Variants in PTPRG observed in about 807,000 individuals in gnomAD.
PTPRG encodes the protein receptor-type tyrosine-protein phosphatase gamma.
PTPRG carries 102 observed loss-of-function variants against 165.3 expected under a neutral mutation model. The ratio of observed to expected loss-of-function variants is 0.62; its 90% CI spans 0.53 to 0.73. PTPRG has a LOEUF of 0.73. Among genes scored for constraint, PTPRG ranks in the 30% least tolerant of loss-of-function variants. PTPRG has a pLI of 0.00. For missense variants in PTPRG, 1,866 were observed against 1,861.4 expected, an observed-to-expected ratio of 1.00 and a Z score of -0.05; for synonymous variants, 675 against 669.5, an observed-to-expected ratio of 1.01 and a Z score of -0.13.
Position 61,562,148 on chromosome 3 carries a change from T to A in PTPRG, c.-140T>A. 2 of 575,232 alleles carry A rather than the reference T, an allele frequency of 3.5e-6. No individual in the cohort carries two copies. The highest frequency in any genetic ancestry group is 3.1e-6 in the Non-Finnish European group (1 of 324,726). The allele number at this position is 575,232 out of a possible 1,614,324, so 35.6% of individuals were successfully genotyped here. A position where few individuals can be genotyped will look rare whatever the true frequency, so the allele number is the denominator to read the frequency against. ...GCGGCTTCCCGGATTCCAAGGGGAC[T>A]CGGGCCGCCGAGCGCGGGGGGCCCG... On this transcript the variant is annotated 5_prime_UTR_variant, in exon 1 of 30. Coordinates refer to ENST00000474889, the MANE Select transcript of PTPRG (RefSeq NM_002841.4).
chr3:61,999,572 A>G (rs917082449), intron 3 of PTPRG, among the ~76,000 whole-genome samples: 6 of 151,924 alleles, frequency 3.9e-5, no homozygotes, highest in African/African-American at 1.5e-4. Context: ...TCCAGATTCA[A>G]CTTTTCCTGC....
chr3:61,925,923 C>A, intron 2 of PTPRG: 1 of 492,434 alleles, frequency 2.0e-6, no homozygotes. Context: ...GCAGTGTTTC[C>A]ATAGGAACTC....
intron 1 of PTPRG, among the ~76,000 whole-genome samples, chr3:61,723,651 G>T (rs545281261): frequency 6.6e-6 from 1 of 152,046 alleles, no homozygotes; most frequent in Non-Finnish European, 1.5e-5. Flanking sequence ...AGTACAGAGC[G>T]GTCCCATATA....
intron 1 of PTPRG, among the ~76,000 whole-genome samples, chr3:61,644,705 T>G (rs1383962562): frequency 6.6e-6 from 1 of 152,236 alleles, no homozygotes; most frequent in Admixed American, 6.5e-5. Flanking sequence ...AGGAATGTGA[T>G]CCATGGTTTC....
intron 2 of PTPRG, among the ~76,000 whole-genome samples, chr3:61,899,146 T>G (rs941050369): frequency 3.3e-5 from 5 of 152,126 alleles, no homozygotes; most frequent in African/African-American, 1.2e-4. Context: ...TTTTTTAAAT[T>G]TGTGAAATGG....
chr3:61,870,797 G>A (rs1012853765), intron 2 of PTPRG, among the ~76,000 whole-genome samples: 3 of 151,938 alleles, frequency 2.0e-5, no homozygotes, highest in African/African-American at 7.3e-5. Context: ...ATAAAATAGA[G>A]GCATTCATAG....
intron 10 of PTPRG, among the ~76,000 whole-genome samples, chr3:62,198,749 A>G (rs980097022): frequency 4.6e-5 from 7 of 152,256 alleles, no homozygotes; most frequent in African/African-American, 1.4e-4. Flanking sequence ...ACGAACATCA[A>G]TGATATTCCA....
intron 6 of PTPRG, among the ~76,000 whole-genome samples, chr3:62,146,627 C>CT (rs199720048): frequency 8.1e-6 from 1 of 123,764 alleles, no homozygotes; most frequent in Non-Finnish European, 1.6e-5. Flanking sequence ...TTGCCTGTTG[C>CT]TTTTAAAAAA....
intron 2 of PTPRG, among the ~76,000 whole-genome samples, chr3:61,852,013 T>C (rs895858860): frequency 2.0e-5 from 3 of 152,200 alleles, no homozygotes; most frequent in African/African-American, 7.2e-5. Context: ...GGTAATCTCT[T>C]ATGCAGCAAT....
At position 62,203,889 on chromosome 3, in the gene PTPRG, A is replaced by G. The variant is rs773369390; in HGVS notation, c.2094A>G (p.Lys698=). The G allele has an allele frequency of 2.5e-6, 4 of 1,613,004 alleles. No individual in the cohort carries two copies. Among genetic ancestry groups the G allele is most frequent in the Non-Finnish European group, 3.4e-6 (4 of 1,179,550 alleles). ...SDPKRPEMPS[K]KPMSRGDRFS... The stretch of plus-strand genomic sequence containing the variant: ...CCAAGAGGCCCGAAATGCCATCTAA[A>G]AAGCCTATGTCCCGCGGGGACCGAT... The change falls in exon 12 of 30, where the codon AAA becomes AAG. Residue 698 remains lysine, a synonymous_variant. Coordinates refer to ENST00000474889, the MANE Select transcript of PTPRG (RefSeq NM_002841.4). This position sits in a 1 kb window ranked among gnomAD's most constrained non-coding sequence, Gnocchi z 6.4.
intron 3 of PTPRG, among the ~76,000 whole-genome samples, chr3:61,991,804 A>G (rs940352722): frequency 6.6e-6 from 1 of 152,204 alleles, no homozygotes; most frequent in African/African-American, 2.4e-5. Flanking sequence ...GCAACGCTTG[A>G]CAGCCTTCGG....
chr3:61,903,336 C>T (rs569635667), intron 2 of PTPRG, among the ~76,000 whole-genome samples: 12 of 152,128 alleles, frequency 7.9e-5, no homozygotes, highest in Non-Finnish European at 1.3e-4. Context: ...TCACAGAATG[C>T]GATACTGATA....
intron 1 of PTPRG, among the ~76,000 whole-genome samples, chr3:61,687,978 C>T (rs141421529): frequency 6.6e-6 from 1 of 152,216 alleles, no homozygotes; most frequent in Non-Finnish European, 1.5e-5. Flanking sequence ...GCGTACCCAG[C>T]TTTTCCAAGT....
intron 4 of PTPRG, among the ~76,000 whole-genome samples, chr3:62,032,150 T>C (rs1253222591): frequency 6.6e-6 from 1 of 152,172 alleles, no homozygotes; most frequent in East Asian, 1.9e-4. Context: ...GGAAGGTAGA[T>C]GGGCCTGCAG....
chr3:61,791,101 T>C (rs547281097), intron 2 of PTPRG, among the ~76,000 whole-genome samples: 1 of 152,290 alleles, frequency 6.6e-6, no homozygotes, highest in Admixed American at 6.5e-5. Flanking sequence ...AGGGAAGAAG[T>C]ATGGTATAAT....
At chr3:61,975,637 G>T (rs1386941537) in intron 2 of PTPRG, among the ~76,000 whole-genome samples, 1 of 150,750 alleles carries the variant, frequency 6.6e-6, no homozygotes, top group East Asian at 1.9e-4. Context: ...CTTAGAAATA[G>T]AATTCTACCT....
intron 1 of PTPRG, among the ~76,000 whole-genome samples, chr3:61,707,754 C>T (rs762648335): frequency 1.3e-5 from 2 of 152,174 alleles, no homozygotes; most frequent in South Asian, 4.1e-4. Context: ...ACTTTACCGT[C>T]ATAGTATTTA....
chr3:61,985,127 G>C (rs1371486983), intron 2 of PTPRG, among the ~76,000 whole-genome samples: 1 of 152,230 alleles, frequency 6.6e-6, no homozygotes, highest in Non-Finnish European at 1.5e-5. Flanking sequence ...CCAAAGATGG[G>C]ATTAAGTTCT....
intron 2 of PTPRG, among the ~76,000 whole-genome samples, chr3:61,780,896 T>G (rs2034527011): frequency 1.3e-5 from 2 of 152,234 alleles, no homozygotes; most frequent in South Asian, 4.1e-4. Flanking sequence ...CTTGATGGCG[T>G]GATATTATAA....
Sources: allele counts gnomAD v4.1 joint callset (sites outside exome capture counted in the v4.1 genomes callset), GRCh38; gene constraint gnomAD v4.1.1; non-coding constraint Gnocchi (gnomAD v3.1); transcripts MANE v1.5; gene names NCBI Gene and HGNC (gene_info 2026-07-23, HGNC 2026-07-21).